Variants in DOK7 observed in about 807,000 individuals in gnomAD.
DOK7 encodes protein Dok-7.
Under a neutral mutation model 30.7 loss-of-function variants are expected in DOK7, and 32 were observed. The observed-to-expected ratio is 1.04, with a 90% CI of 0.79 to 1.40. DOK7 has a LOEUF of 1.40. Ranked by LOEUF, DOK7 falls within the 40% of genes most tolerant of loss-of-function variation. DOK7 has a pLI of 0.00. For missense variants in DOK7, 1,007 were observed against 699.2 expected, an observed-to-expected ratio of 1.44 and a Z score of -4.97; for synonymous variants, 447 against 324.1, an observed-to-expected ratio of 1.38 and a Z score of -4.07.
At chr4:3,464,631 T>A (rs1403089650) in intron 2 of DOK7, among the ~76,000 whole-genome samples, 1 of 151,946 alleles carries the variant, frequency 6.6e-6, no homozygotes, top group Non-Finnish European at 1.5e-5. Context: ...GTCGGGGCCG[T>A]GGTGGGGCAG....
intron 2 of DOK7, among the ~76,000 whole-genome samples, chr4:3,465,342 C>G (rs1175103363): frequency 6.6e-6 from 1 of 152,206 alleles, no homozygotes; most frequent in African/African-American, 2.4e-5. Flanking sequence ...CCCCCTTTGC[C>G]TTCACCCAGC....
At position 3,494,224 on chromosome 4, in the gene DOK7, T is replaced by C. The variant is rs1728759570; in HGVS notation, c.*723T>C. On this transcript the variant is annotated 3_prime_UTR_variant, in exon 7 of 7. Coordinates refer to ENST00000340083, the MANE Select transcript of DOK7 (RefSeq NM_173660.5). ...CCCTGGTGGGAGCTCTGCTGGCTCC[T>C]GTCTGAACCTCCTCGCAGGGCCAAA... 2 of 985,476 alleles carry C rather than the reference T, an allele frequency of 2.0e-6. No homozygotes were observed. The highest frequency in any genetic ancestry group is 2.4e-6 in the Non-Finnish European group (2 of 829,944). The allele number at this position is 985,476 out of a possible 1,614,324, so 61.0% of individuals were successfully genotyped here.
chr4:3,484,248 G>C (rs946976426), intron 4 of DOK7, among the ~76,000 whole-genome samples: 1 of 152,238 alleles, frequency 6.6e-6, no homozygotes, highest in African/African-American at 2.4e-5. Flanking sequence ...GCTCGCCCTC[G>C]TGTGCCCGGG....
At chr4:3,498,152 G>A (rs1235880534), downstream of DOK7, among the ~76,000 whole-genome samples, 1 of 152,194 alleles carries the variant, frequency 6.6e-6, no homozygotes, top group African/African-American at 2.4e-5. Context: ...GAGTGCAGAA[G>A]GGCCAGCCGA....
In DOK7 at chr4:3,494,033, A is replaced by G. The variant is rs563264209; in HGVS notation, c.*532A>G. On this transcript the variant is annotated 3_prime_UTR_variant, in exon 7 of 7. Transcript: ENST00000340083. ...TGTGCGCTGGGCCTCATCCCCATCT[A>G]TGGGAGGAAACTGAAGCTCAGGAGG... 2.4e-5 allele frequency: 24 copies of G among 988,198 alleles called. No homozygotes were observed. In the South Asian group the frequency reaches 2.8e-4, roughly 12 times the overall value. 61.2% of individuals were successfully genotyped at this position (988,198 alleles called of 1,614,324 possible). A position where few individuals can be genotyped will look rare whatever the true frequency, so the allele number is the denominator to read the frequency against.
intron 5 of DOK7, among the ~76,000 whole-genome samples, chr4:3,488,874 C>T (rs1425588103): frequency 6.6e-6 from 1 of 151,796 alleles, no homozygotes; most frequent in Non-Finnish European, 1.5e-5. Flanking sequence ...TTGAGCCCTG[C>T]TGTTTGGAGC....
rs1452247884 is a variant in DOK7 at position 3,463,363 on chromosome 4, A to G, written c.-13A>G. The stretch of plus-strand genomic sequence containing the variant: ...GCCGGGGCGAGCGCGGCGGCGCGGA[A>G]CCATGACAGAAGATGACCGAGGCGG... On this transcript the variant is annotated 5_prime_UTR_variant, in exon 1 of 7. Coordinates refer to ENST00000340083, the MANE Select transcript of DOK7 (RefSeq NM_173660.5). 5 of 1,470,854 alleles carry G rather than the reference A, an allele frequency of 3.4e-6. No homozygotes were observed. The highest frequency in any genetic ancestry group is 4.5e-6 in the Non-Finnish European group (5 of 1,123,192). 91.1% of individuals were successfully genotyped at this position (1,470,854 alleles called of 1,614,324 possible). A position where few individuals can be genotyped will look rare whatever the true frequency, so the allele number is the denominator to read the frequency against.
At chr4:3,485,509 G>A (rs185980125) in intron 4 of DOK7, 30 bp from the exon 5 acceptor site, 3 of 1,554,368 alleles carry the variant, frequency 1.9e-6, no homozygotes, top group Non-Finnish European at 2.6e-6. Flanking sequence ...CCTCGGGCCA[G>A]ACTGACCTGT....
chr4:3,468,503 C>CAT (rs1560205268), intron 2 of DOK7, among the ~76,000 whole-genome samples: 15 of 102,576 alleles, frequency 1.5e-4, no homozygotes, highest in Non-Finnish European at 2.6e-4. Context: ...TGTGCATGTG[C>CAT]GTGTGTGCGT....
intron 4 of DOK7, among the ~76,000 whole-genome samples, chr4:3,480,931 G>A (rs56204493): frequency 0.11 from 17,403 of 152,236 alleles, 1,328 homozygotes; most frequent in South Asian, 0.23. Context: ...GGGGCACTGC[G>A]GGGAAGCTCT....
At chr4:3,500,954 C>T in exon 8 of DOK7, 4 of 1,363,978 alleles carry the variant, frequency 2.9e-6, no homozygotes, top group Non-Finnish European at 3.9e-6. Context: ...GCAGGCATGG[C>T]CGGTCTCCGG....
downstream of DOK7, among the ~76,000 whole-genome samples, chr4:3,495,905 T>C (rs1356610511): frequency 1.3e-5 from 2 of 152,142 alleles, no homozygotes; most frequent in Non-Finnish European, 2.9e-5. Context: ...CTCAGTTTGC[T>C]CAGGGGGCCT....
chr4:3,482,470 C>G (rs1286855585), intron 4 of DOK7, among the ~76,000 whole-genome samples: 2 of 152,266 alleles, frequency 1.3e-5, no homozygotes, highest in African/African-American at 4.8e-5. Context: ...AGAGCAGAAG[C>G]TGCCAGGCCT....
At chr4:3,463,850 G>A (rs962455077) in intron 2 of DOK7, among the ~76,000 whole-genome samples, 45 of 152,190 alleles carry the variant, frequency 3.0e-4, no homozygotes, top group Admixed American at 1.5e-3. Context: ...CCCCCCAGAA[G>A]CAAAGCCCCA....
intron 4 of DOK7, among the ~76,000 whole-genome samples, chr4:3,477,651 G>A (rs774297486): frequency 1.4e-4 from 22 of 152,220 alleles, no homozygotes; most frequent in Non-Finnish European, 3.1e-4. Context: ...CAGGCTCCAC[G>A]GACTGGGGGC....
chr4:3,485,580 A>G lies in DOK7; in HGVS notation c.574A>G (p.Ile192Val), dbSNP rs767298327. Residue 192 changes from isoleucine to valine, a missense_variant, in exon 5 of 7, where the codon ATC becomes GTC. Transcript: ENST00000340083. ...FFLSSAEGEQ[I>V]SFLFDCIVRG... ...CCTGTCCTCGGCCGAGGGGGAGCAG[A>G]TCAGCTTCCTGTTCGACTGCATCGT... 1.9e-6 allele frequency: 3 copies of G among 1,607,530 alleles called. No homozygotes were observed. In the South Asian group the frequency reaches 3.3e-5, roughly 18 times the overall value.
At chr4:3,479,461 A>C (rs919471925) in intron 4 of DOK7, among the ~76,000 whole-genome samples, 1 of 152,258 alleles carries the variant, frequency 6.6e-6, no homozygotes, top group African/African-American at 2.4e-5. Context: ...GGGTGTCGTC[A>C]CATTCAGTCT....
intron 2 of DOK7, among the ~76,000 whole-genome samples, chr4:3,466,027 G>T (rs1726241639): frequency 6.6e-6 from 1 of 152,216 alleles, no homozygotes; most frequent in African/African-American, 2.4e-5. Flanking sequence ...TCCCACAGGG[G>T]CTGCCCCTGG....
At chr4:3,472,675 C>G (rs1482306057) in intron 2 of DOK7, among the ~76,000 whole-genome samples, 1 of 152,226 alleles carries the variant, frequency 6.6e-6, no homozygotes, top group African/African-American at 2.4e-5. Flanking sequence ...GTAGACAGCA[C>G]CAGCCGGTTG....
Sources: allele counts gnomAD v4.1 joint callset (sites outside exome capture counted in the v4.1 genomes callset), GRCh38; gene constraint gnomAD v4.1.1; transcripts MANE v1.5; gene names NCBI Gene and HGNC (gene_info 2026-07-23, HGNC 2026-07-21).